AFF3: variants seen among roughly 807,000 people sequenced by gnomAD.
AFF3 encodes AF4/FMR2 family member 3.
Under a neutral mutation model 129.7 loss-of-function variants are expected in AFF3, and 32 were observed. The ratio of observed to expected loss-of-function variants is 0.25; its 90% CI spans 0.19 to 0.33. The LOEUF is 0.33. AFF3 is among the 10% of genes least tolerant of loss of function. The probability of loss-of-function intolerance (pLI) is 1.00; values close to 1 mark genes in which losing one functional copy is unlikely to be tolerated. For missense variants in AFF3, 1,373 were observed against 1,592.0 expected, an observed-to-expected ratio of 0.86 and a Z score of 2.34; for synonymous variants, 644 against 635.4, an observed-to-expected ratio of 1.01 and a Z score of -0.20.
chr2:99,741,637 A>T (rs983029276), intron 10 of AFF3, among the ~76,000 whole-genome samples: 1 of 152,174 alleles, frequency 6.6e-6, no homozygotes, highest in Non-Finnish European at 1.5e-5. Context: ...GAAAATGGCC[A>T]TACTGCCCAA....
intron 4 of AFF3, among the ~76,000 whole-genome samples, chr2:100,048,563 A>T (rs887941909): frequency 3.3e-5 from 5 of 152,258 alleles, no homozygotes; most frequent in African/African-American, 9.6e-5. Context: ...TCAAATGAGT[A>T]CTGCTTACAA....
Position 99,962,048 on chromosome 2 carries a change from C to A in AFF3, c.873+44584G>T, listed in dbSNP as rs13382899. Among the ~76,000 whole-genome samples, 734 of 152,180 alleles carry A rather than the reference C, an allele frequency of 4.8e-3. 4 individuals carry two copies. The highest frequency in any genetic ancestry group is 0.017 in the African/African-American group (702 of 41,510). On this transcript the variant is annotated intron_variant, in intron 7 of 24. Coordinates refer to ENST00000672756, the MANE Select transcript of AFF3 (RefSeq NM_001386135.1). ...CCTACCAGGCCTCAGAAACATGAGG[C>A]AGCTGGGCACACCAGAAAAGGGAAT...
chr2:99,565,448 C>T, intron 20 of AFF3, 39 bp downstream of exon 20: 1 of 1,602,836 alleles, frequency 6.2e-7, no homozygotes, highest in Non-Finnish European at 8.5e-7. Context: ...ACACATTCCT[C>T]ACTCCTCCCC....
chr2:100,040,804 A>C (rs1685361276), intron 4 of AFF3, among the ~76,000 whole-genome samples: 1 of 152,254 alleles, frequency 6.6e-6, no homozygotes, highest in Non-Finnish European at 1.5e-5. Flanking sequence ...CTGGAAAGTC[A>C]TGCTGAGCAG....
chr2:99,706,275 G>C (rs1323190642), intron 11 of AFF3, among the ~76,000 whole-genome samples: 2 of 152,202 alleles, frequency 1.3e-5, no homozygotes, highest in Non-Finnish European at 2.9e-5. Flanking sequence ...CAGGGGACTG[G>C]TTTGGAAAAA....
chr2:99,942,981 T>A (rs754431452), intron 7 of AFF3, among the ~76,000 whole-genome samples: 1 of 152,158 alleles, frequency 6.6e-6, no homozygotes, highest in Non-Finnish European at 1.5e-5. Context: ...CTTTTCCTTC[T>A]GCGTTAGAGA....
intron 8 of AFF3, among the ~76,000 whole-genome samples, chr2:99,795,678 C>T (rs927394875): frequency 6.6e-6 from 1 of 151,870 alleles, no homozygotes; most frequent in Non-Finnish European, 1.5e-5. Flanking sequence ...TCCCTCCCAC[C>T]TTCATTCCTT....
chr2:99,830,084 G>C (rs779435108), intron 8 of AFF3, among the ~76,000 whole-genome samples: 18 of 152,072 alleles, frequency 1.2e-4, no homozygotes, highest in Non-Finnish European at 1.9e-4. Context: ...AGAACACATG[G>C]ACACAAGGAG....
chr2:99,872,298 G>C (rs1691928258), intron 7 of AFF3, among the ~76,000 whole-genome samples: 1 of 148,844 alleles, frequency 6.7e-6, no homozygotes, highest in African/African-American at 2.5e-5. Flanking sequence ...TTAAGAACTT[G>C]ATCCATATAT....
intron 8 of AFF3, among the ~76,000 whole-genome samples, chr2:99,767,468 C>T (rs546252832): frequency 6.6e-6 from 1 of 152,340 alleles, no homozygotes; most frequent in South Asian, 2.1e-4. Flanking sequence ...TGTCACTAAA[C>T]ATTCCACAGG....
chr2:99,684,941 C>CTTT (rs70940184), intron 11 of AFF3, among the ~76,000 whole-genome samples: 2 of 138,850 alleles, frequency 1.4e-5, no homozygotes, highest in African/African-American at 2.6e-5. Context: ...TTCTTTCTTT[C>CTTT]TTTTTTTTTT....
chr2:99,976,681 A>T (rs1678919871), intron 7 of AFF3, among the ~76,000 whole-genome samples: 1 of 152,244 alleles, frequency 6.6e-6, no homozygotes, highest in Admixed American at 6.5e-5. Flanking sequence ...GGGAATGGAC[A>T]GCAACTGATT....
At chr2:99,724,326 G>A (rs997643248) in intron 11 of AFF3, among the ~76,000 whole-genome samples, 2 of 121,244 alleles carry the variant, frequency 1.6e-5, no homozygotes. Flanking sequence ...AGGCTGGAGT[G>A]CAGTGGTGCA....
intron 7 of AFF3, among the ~76,000 whole-genome samples, chr2:99,970,191 G>C (rs548655736): frequency 1.3e-5 from 2 of 152,136 alleles, no homozygotes; most frequent in African/African-American, 4.8e-5. Flanking sequence ...GCTAACAACA[G>C]ACTGGGGTTG....
At chr2:99,637,622 CATTCCATGCAGACAGCA>C (rs762975866) in intron 13 of AFF3, among the ~76,000 whole-genome samples, 24 of 152,306 alleles carry the variant, frequency 1.6e-4, no homozygotes, top group African/African-American at 2.6e-4. Flanking sequence ...CCAACCAACA[CATTCCATGCAGACAGCA>C]AGTGCTTAAT....
chr2:99,611,453 C>A (rs188621255), intron 13 of AFF3, among the ~76,000 whole-genome samples: 2 of 152,116 alleles, frequency 1.3e-5, no homozygotes, highest in East Asian at 3.9e-4. Context: ...TCCACTAATG[C>A]GATGTTGGCA....
At chr2:99,720,236 G>T (rs1353280045) in intron 11 of AFF3, among the ~76,000 whole-genome samples, 2 of 152,030 alleles carry the variant, frequency 1.3e-5, no homozygotes, top group Non-Finnish European at 2.9e-5. Flanking sequence ...GTGGTATTGG[G>T]AGCTGGGGCC....
intron 4 of AFF3, among the ~76,000 whole-genome samples, chr2:100,059,393 G>A (rs1215910278): frequency 6.6e-6 from 1 of 151,472 alleles, no homozygotes; most frequent in Non-Finnish European, 1.5e-5. Flanking sequence ...AAACCACAAT[G>A]AGACACCACC....
At chr2:99,750,475 C>T (rs1393624615) in intron 9 of AFF3, among the ~76,000 whole-genome samples, 1 of 143,066 alleles carries the variant, frequency 7.0e-6, no homozygotes, top group Non-Finnish European at 1.5e-5. Context: ...AGTGCAGTGG[C>T]GTGATCATAG....
Sources: allele counts gnomAD v4.1 joint callset (sites outside exome capture counted in the v4.1 genomes callset), GRCh38; gene constraint gnomAD v4.1.1; transcripts MANE v1.5; gene names NCBI Gene and HGNC (gene_info 2026-07-23, HGNC 2026-07-21).